GALNT17: variants seen among roughly 807,000 people sequenced by gnomAD.
The protein encoded by GALNT17 is polypeptide N-acetylgalactosaminyltransferase 17, also known as UDP-GalNAc:polypeptide N-acetylgalactosaminyltransferase-like 3.
A neutral mutation model predicts 63.7 loss-of-function variants in GALNT17; 29 were observed. That is an observed-to-expected ratio of 0.46 (90% CI 0.34 to 0.62). GALNT17 has a LOEUF of 0.62. Ranked by LOEUF, GALNT17 falls within the 20% of genes least tolerant of loss-of-function variation. The probability of loss-of-function intolerance (pLI) is 0.01; values close to 1 mark genes in which losing one functional copy is unlikely to be tolerated. For missense variants in GALNT17, 603 were observed against 799.6 expected (o/e 0.75, Z 2.97); for synonymous variants, 305 against 318.3 (o/e 0.96, Z 0.45).
At chr7:71,486,258 G>A (rs1029506947) in intron 5 of GALNT17, among the ~76,000 whole-genome samples, 3 of 151,512 alleles carry the variant, frequency 2.0e-5, no homozygotes, top group Admixed American at 1.3e-4. Context: ...CTTGAACCTG[G>A]GAGGTGGAGT....
intron 1 of GALNT17, among the ~76,000 whole-genome samples, chr7:71,246,691 A>G (rs980682789): frequency 6.6e-6 from 1 of 151,658 alleles, no homozygotes; most frequent in African/African-American, 2.4e-5. Context: ...TTAGCCGGGC[A>G]TGTGGCGGGC....
chr7:71,243,212 G>A (rs936680717), intron 1 of GALNT17, among the ~76,000 whole-genome samples: 6 of 152,238 alleles, frequency 3.9e-5, no homozygotes, highest in Admixed American at 2.6e-4. Context: ...CATGTGAGAC[G>A]TGCTTCTTCC....
At chr7:71,697,479 T>C (rs1791562445) in intron 9 of GALNT17, among the ~76,000 whole-genome samples, 1 of 152,050 alleles carries the variant, frequency 6.6e-6, no homozygotes, top group Admixed American at 6.6e-5. Flanking sequence ...AGTCTAGAAC[T>C]AGGGGACTCT....
intron 5 of GALNT17, among the ~76,000 whole-genome samples, chr7:71,469,869 T>C (rs1787599069): frequency 6.6e-6 from 1 of 152,204 alleles, no homozygotes. Flanking sequence ...TATTGTTCAC[T>C]GGATTAAAAT....
chr7:71,591,593 G>T (rs1205905908), intron 6 of GALNT17, among the ~76,000 whole-genome samples: 1 of 152,172 alleles, frequency 6.6e-6, no homozygotes, highest in African/African-American at 2.4e-5. Context: ...TCTATCTATG[G>T]TTTCCCATCT....
At chr7:71,672,136 A>T (rs1365266396) in intron 8 of GALNT17, among the ~76,000 whole-genome samples, 1 of 152,186 alleles carries the variant, frequency 6.6e-6, no homozygotes, top group Non-Finnish European at 1.5e-5. Flanking sequence ...ATTTTTTAAA[A>T]TTATCAAAGT....
intron 3 of GALNT17, among the ~76,000 whole-genome samples, 197 bp downstream of exon 3, chr7:71,388,598 C>T (rs147604577): frequency 0.018 from 2,696 of 152,122 alleles, 30 homozygotes; most frequent in Non-Finnish European, 0.031. Context: ...ATGATCTCAG[C>T]TCACTGCAAC....
At chr7:71,613,795 T>TC (rs1790159834) in intron 6 of GALNT17, among the ~76,000 whole-genome samples, 2 of 148,556 alleles carry the variant, frequency 1.3e-5, no homozygotes, top group African/African-American at 4.9e-5. Context: ...CTCTATGATT[T>TC]TTTTTTTTTT....
In GALNT17 at chr7:71,646,860, C is replaced by T. The variant is rs1386947611; in HGVS notation, c.1081-18551C>T. On this transcript the variant is annotated intron_variant, in intron 6 of 10. Coordinates refer to ENST00000333538, the MANE Select transcript of GALNT17 (RefSeq NM_022479.3). ...CTCCCAGGTTCATGCCATTCTCCTG[C>T]CTCACCCTCCTGAGTAGCTGGGACT... Among the ~76,000 whole-genome samples, 8 of 150,372 alleles carry T rather than the reference C, an allele frequency of 5.3e-5. No homozygotes were observed. The Admixed American group carries it at 5.3e-4, about 10-fold the overall frequency.
intron 6 of GALNT17, among the ~76,000 whole-genome samples, chr7:71,585,116 G>A (rs767899555): frequency 2.0e-5 from 3 of 152,118 alleles, no homozygotes; most frequent in African/African-American, 7.2e-5. Flanking sequence ...AGATCTACAA[G>A]GTTGATTACT....
intron 5 of GALNT17, among the ~76,000 whole-genome samples, chr7:71,472,816 G>A (rs57078692): frequency 0.15 from 22,624 of 152,172 alleles, 2,273 homozygotes; most frequent in East Asian, 0.54. Context: ...GTAGGACCTT[G>A]TGACCTTTGT....
intron 5 of GALNT17, among the ~76,000 whole-genome samples, chr7:71,518,079 A>G (rs1788472634): frequency 1.3e-5 from 2 of 152,168 alleles, no homozygotes; most frequent in African/African-American, 4.8e-5. Flanking sequence ...AGGAGAAGAA[A>G]AAGAGGACAG....
At chr7:71,408,212 C>T (rs1793364465) in intron 3 of GALNT17, among the ~76,000 whole-genome samples, 1 of 151,946 alleles carries the variant, frequency 6.6e-6, no homozygotes, top group South Asian at 2.1e-4. Context: ...TTCATAAGGT[C>T]CCCAGTGATT....
At chr7:71,217,942 T>A (rs1789516143) in intron 1 of GALNT17, among the ~76,000 whole-genome samples, 1 of 143,248 alleles carries the variant, frequency 7.0e-6, no homozygotes, top group Non-Finnish European at 1.6e-5. Flanking sequence ...AAAAAAAAAT[T>A]CAATAATAGG....
At chr7:71,335,484 G>A (rs1791882145) in intron 1 of GALNT17, 66 bp from the exon 2 acceptor site, 4 of 1,414,148 alleles carry the variant, frequency 2.8e-6, no homozygotes, top group African/African-American at 1.5e-5. Flanking sequence ...AGCTGCAGCG[G>A]AGATTGAGTA....
intron 2 of GALNT17, among the ~76,000 whole-genome samples, chr7:71,342,346 C>G (rs1792019604): frequency 6.6e-6 from 1 of 152,136 alleles, no homozygotes; most frequent in African/African-American, 2.4e-5. Flanking sequence ...CATGTGAACT[C>G]ACTCATCATC....
intron 1 of GALNT17, among the ~76,000 whole-genome samples, chr7:71,157,102 G>T (rs1788250471): frequency 6.6e-6 from 1 of 151,740 alleles, no homozygotes; most frequent in African/African-American, 2.4e-5. Context: ...GACTACAGGT[G>T]TGAGCCACTG....
chr7:71,689,759 A>G (rs1791413789), intron 9 of GALNT17, among the ~76,000 whole-genome samples: 1 of 152,238 alleles, frequency 6.6e-6, no homozygotes, highest in African/African-American at 2.4e-5. Context: ...GCCTTCTATT[A>G]GAAGAAGGTG....
intron 8 of GALNT17, among the ~76,000 whole-genome samples, chr7:71,675,516 G>T (rs1428919846): frequency 1.3e-5 from 2 of 152,024 alleles, no homozygotes; most frequent in African/African-American, 4.8e-5. Context: ...CCAGCAGTTT[G>T]GGAGGCTGAG....
Sources: allele counts gnomAD v4.1 joint callset (sites outside exome capture counted in the v4.1 genomes callset), GRCh38; gene constraint gnomAD v4.1.1; transcripts MANE v1.5; gene names NCBI Gene and HGNC (gene_info 2026-07-23, HGNC 2026-07-21).